Variants in VXN observed in about 807,000 individuals in gnomAD.
The protein encoded by VXN is uncharacterized protein C8orf46.
VXN carries 7 observed loss-of-function variants against 23.1 expected under a neutral mutation model. The observed-to-expected ratio is 0.30, with a 90% CI of 0.17 to 0.57. The LOEUF (loss-of-function observed/expected upper bound fraction) is 0.57. Ranked by LOEUF, VXN falls within the 20% of genes least tolerant of loss-of-function variation. VXN has a pLI of 0.91. For synonymous variants in VXN, 120 were observed against 105.8 expected (o/e 1.13, Z -0.83); for missense variants, 238 against 272.6 (o/e 0.87, Z 0.89).
Position 66,516,032 on chromosome 8 carries a change from T to C in VXN, c.580T>C (p.Ser194Pro), listed in dbSNP as rs752951022. 105 of 1,613,190 alleles carry C rather than the reference T, an allele frequency of 6.5e-5. No individual in the cohort carries two copies. The highest frequency in any genetic ancestry group is 8.3e-5 in the Non-Finnish European group (98 of 1,179,920). The change falls in exon 6 of 6, where the codon TCT becomes CCT. Residue 194 changes from serine to proline, a missense_variant. Coordinates refer to ENST00000305454, the MANE Select transcript of VXN (RefSeq NM_152765.4). Reference sequence around the variant, plus strand: ...AATGTGGACAAGGCACAAGAAGAAGTCTGAATATGTGGGAGCCACCAACAG... The same window carrying C: ...AATGTGGACAAGGCACAAGAAGAAGCCTGAATATGTGGGAGCCACCAACAG... The part of the protein sequence containing the change: ...RKMWTRHKKK[S>P]EYVGATNSAF...
intron 2 of VXN, among the ~76,000 whole-genome samples, chr8:66,502,075 CTTAA>C (rs956273890): frequency 6.6e-6 from 1 of 152,174 alleles, no homozygotes; most frequent in African/African-American, 2.4e-5. Flanking sequence ...CTGAGCAATC[CTTAA>C]TATCAGCTTT....
chr8:66,502,913 C>CA (rs1298278378), intron 2 of VXN, among the ~76,000 whole-genome samples: 1 of 150,740 alleles, frequency 6.6e-6, no homozygotes, highest in Non-Finnish European at 1.5e-5. Flanking sequence ...GTGGCATGAT[C>CA]AAAGCTCACT....
At chr8:66,502,077 T>C (rs1238490233) in intron 2 of VXN, among the ~76,000 whole-genome samples, 1 of 152,228 alleles carries the variant, frequency 6.6e-6, no homozygotes, top group African/African-American at 2.4e-5. Context: ...GAGCAATCCT[T>C]AATATCAGCT....
chr8:66,518,513 GC>G lies in VXN; in HGVS notation c.*2438del, dbSNP rs1807921387. ...AGTCAGCTTTGTTTGTGACATTCAT[GC>G]ACCACCATAAGAGCATGCCTGAGGC... On this transcript the variant is annotated 3_prime_UTR_variant, in exon 6 of 6. Transcript: ENST00000305454. 1 of 152,170 alleles carries G rather than the reference GC, an allele frequency of 6.6e-6. No homozygotes were observed. The highest frequency in any genetic ancestry group is 1.5e-5 in the Non-Finnish European group (1 of 68,038). 9.4% of individuals were successfully genotyped at this position (152,170 alleles called of 1,614,324 possible).
chr8:66,502,429 T>C (rs1436754603), intron 2 of VXN, among the ~76,000 whole-genome samples: 1 of 152,152 alleles, frequency 6.6e-6, no homozygotes, highest in African/African-American at 2.4e-5. Flanking sequence ...AGGAGGAATA[T>C]ATGTGGGGTT....
chr8:66,499,844 T>C (rs1807671483), intron 2 of VXN, among the ~76,000 whole-genome samples: 1 of 152,160 alleles, frequency 6.6e-6, no homozygotes. Context: ...AATTCATCTG[T>C]ATAGCTCTAC....
At chr8:66,509,981 G>A (rs1026686037) in intron 3 of VXN, 115 bp from the exon 4 acceptor site, 1 of 959,080 alleles carries the variant, frequency 1.0e-6, no homozygotes. Context: ...TGGTACAAAG[G>A]CCTTTAGAAA....
intron 3 of VXN, among the ~76,000 whole-genome samples, chr8:66,508,899 G>A (rs1246431253): frequency 1.3e-5 from 2 of 152,224 alleles, no homozygotes; most frequent in African/African-American, 4.8e-5. Flanking sequence ...GGAAGCTGAG[G>A]TAGGAGAATT....
intron 2 of VXN, among the ~76,000 whole-genome samples, chr8:66,502,316 T>A (rs1258799665): frequency 6.6e-6 from 1 of 152,202 alleles, no homozygotes; most frequent in Admixed American, 6.5e-5. Flanking sequence ...GCCACGACAA[T>A]GAAGATTCGT....
chr8:66,502,166 G>A (rs554027178), intron 2 of VXN, among the ~76,000 whole-genome samples: 6 of 151,966 alleles, frequency 3.9e-5, no homozygotes, highest in Admixed American at 1.3e-4. Flanking sequence ...TTCTCTAGAC[G>A]GCCTCTCCAG....
intron 3 of VXN, among the ~76,000 whole-genome samples, chr8:66,506,232 A>ATGTGTGT (rs1491453609): frequency 9.3e-5 from 13 of 140,436 alleles, no homozygotes; most frequent in African/African-American, 3.2e-4. Context: ...AGAGAGAGAC[A>ATGTGTGT]GTGTGTGTGT....
At chr8:66,507,669 G>C (rs1196017441) in intron 3 of VXN, among the ~76,000 whole-genome samples, 1 of 152,114 alleles carries the variant, frequency 6.6e-6, no homozygotes, top group Admixed American at 6.6e-5. Flanking sequence ...TGCCCAGCAC[G>C]TGACAGTCAG....
chr8:66,504,882 G>A (rs1281378144), intron 2 of VXN, among the ~76,000 whole-genome samples: 1 of 152,190 alleles, frequency 6.6e-6, no homozygotes, highest in Non-Finnish European at 1.5e-5. Flanking sequence ...ACTAAGTTGG[G>A]CCTGAGCCCT....
intron 4 of VXN, among the ~76,000 whole-genome samples, chr8:66,513,016 G>T (rs62512587): frequency 1.6e-3 from 244 of 152,322 alleles, no homozygotes; most frequent in Non-Finnish European, 2.1e-3. Context: ...TGAGGAATGT[G>T]GTGGATCTGG....
At chr8:66,508,225 C>A (rs1025974062) in intron 3 of VXN, among the ~76,000 whole-genome samples, 8 of 152,136 alleles carry the variant, frequency 5.3e-5, no homozygotes, top group Non-Finnish European at 1.2e-4. Flanking sequence ...ACACTGACGG[C>A]ATCCACTCCT....
chr8:66,511,786 G>A (rs749126941), intron 4 of VXN, among the ~76,000 whole-genome samples: 1 of 152,148 alleles, frequency 6.6e-6, no homozygotes, highest in African/African-American at 2.4e-5. Context: ...AGAGGAAGAG[G>A]CCAGGCACAG....
chr8:66,494,253 A>G (rs994590104), intron 1 of VXN, among the ~76,000 whole-genome samples: 10 of 152,126 alleles, frequency 6.6e-5, no homozygotes, highest in Non-Finnish European at 1.3e-4. Context: ...TTAACCCGGA[A>G]CTAATGCTGC....
chr8:66,515,626 C>T (rs1272740914), intron 5 of VXN, among the ~76,000 whole-genome samples: 2 of 152,162 alleles, frequency 1.3e-5, no homozygotes, highest in Non-Finnish European at 2.9e-5. Flanking sequence ...TTGGCAAGAC[C>T]AGACCCAGAG....
chr8:66,515,369 G>T (rs1807875867), intron 5 of VXN, among the ~76,000 whole-genome samples: 1 of 152,192 alleles, frequency 6.6e-6, no homozygotes, highest in African/African-American at 2.4e-5. Flanking sequence ...CCCACAATGT[G>T]CCAGATGCTT....
Sources: allele counts gnomAD v4.1 joint callset (sites outside exome capture counted in the v4.1 genomes callset), GRCh38; gene constraint gnomAD v4.1.1; transcripts MANE v1.5; gene names NCBI Gene and HGNC (gene_info 2026-07-23, HGNC 2026-07-21).